DAB1: variants seen among roughly 807,000 people sequenced by gnomAD.
DAB1 encodes DAB adaptor protein 1.
A neutral mutation model predicts 64.6 loss-of-function variants in DAB1; 15 were observed. The observed-to-expected ratio is 0.23, with a 90% CI of 0.16 to 0.36. DAB1 has a LOEUF of 0.36. Ranked by LOEUF, DAB1 falls within the 10% of genes least tolerant of loss-of-function variation. DAB1 has a pLI of 1.00. For synonymous variants in DAB1, 235 were observed against 251.9 expected, an observed-to-expected ratio of 0.93 and a Z score of 0.64; for missense variants, 596 against 706.7, an observed-to-expected ratio of 0.84 and a Z score of 1.78.
intron 3 of DAB1, among the ~76,000 whole-genome samples, chr1:58,455,189 C>A (rs1017760811): frequency 1.3e-5 from 2 of 152,224 alleles, no homozygotes; most frequent in Non-Finnish European, 2.9e-5. Context: ...GGAAAGGCAG[C>A]CAGGGGCTGA....
chr1:58,498,592 C>G (rs1645844191), intron 3 of DAB1, among the ~76,000 whole-genome samples: 2 of 152,120 alleles, frequency 1.3e-5, no homozygotes, highest in South Asian at 4.1e-4. Context: ...AGGATAATGC[C>G]TATATGGCTA....
At chr1:57,591,451 G>C (rs1645444564) in intron 7 of DAB1, among the ~76,000 whole-genome samples, 1 of 152,196 alleles carries the variant, frequency 6.6e-6, no homozygotes, top group South Asian at 2.1e-4. Context: ...CAGCACTAAG[G>C]TGTGGTAATA....
chr1:57,283,947 A>G (rs965017772), intron 2 of DAB1, among the ~76,000 whole-genome samples: 2 of 152,168 alleles, frequency 1.3e-5, no homozygotes, highest in African/African-American at 4.8e-5. Flanking sequence ...ATATATGTCA[A>G]CTTCCAGAGA....
chr1:57,727,888 T>C (rs2101768578), intron 6 of DAB1, among the ~76,000 whole-genome samples: 1 of 152,224 alleles, frequency 6.6e-6, no homozygotes, highest in Non-Finnish European at 1.5e-5. Context: ...ATCACAGAGA[T>C]GCAGATAAAT....
At chr1:57,945,448 TA>T (rs371375889) in intron 5 of DAB1, among the ~76,000 whole-genome samples, 20,600 of 150,638 alleles carry the variant, frequency 0.14, 1,970 homozygotes, top group African/African-American at 0.26. Context: ...TTATTATTAT[TA>T]TTATTATTTT....
chr1:57,754,993 C>T (rs1356483599), intron 6 of DAB1, among the ~76,000 whole-genome samples: 2 of 147,232 alleles, frequency 1.4e-5, no homozygotes, highest in African/African-American at 2.4e-5. Context: ...GACCAGTTTA[C>T]AAAAAACAAA....
At chr1:57,446,631 T>C (rs937106362) in intron 7 of DAB1, among the ~76,000 whole-genome samples, 3 of 151,718 alleles carry the variant, frequency 2.0e-5, no homozygotes, top group Admixed American at 6.6e-5. Context: ...GAGAATCCAG[T>C]TTTAGCTGGA....
At chr1:57,944,360 T>C (rs1434530134) in intron 5 of DAB1, among the ~76,000 whole-genome samples, 1 of 152,148 alleles carries the variant, frequency 6.6e-6, no homozygotes. Flanking sequence ...GCAAGTCTTC[T>C]GGAATTGGCT....
intron 5 of DAB1, among the ~76,000 whole-genome samples, chr1:57,914,158 C>T (rs532215263): frequency 9.9e-5 from 15 of 152,130 alleles, no homozygotes; most frequent in African/African-American, 3.4e-4. Context: ...ATGTTTATTG[C>T]GGCACTATTC....
At chr1:57,990,135 G>A (rs949208435) in intron 5 of DAB1, among the ~76,000 whole-genome samples, 6 of 152,144 alleles carry the variant, frequency 3.9e-5, no homozygotes, top group Admixed American at 3.3e-4. Flanking sequence ...GCAGCAGAGT[G>A]TCTCCTCAGC....
At chr1:57,745,498 C>T (rs556130867) in intron 6 of DAB1, among the ~76,000 whole-genome samples, 2 of 152,232 alleles carry the variant, frequency 1.3e-5, no homozygotes, top group East Asian at 3.9e-4. Flanking sequence ...TTACAGTGAG[C>T]TGGAATTGAA....
At chr1:57,097,476 G>A (rs559907920) in intron 4 of DAB1, among the ~76,000 whole-genome samples, 1 of 152,272 alleles carries the variant, frequency 6.6e-6, no homozygotes, top group South Asian at 2.1e-4. Flanking sequence ...TGGAAGTGAT[G>A]TATGTCACTT....
chr1:57,841,328 T>G (rs542595012), intron 1 of DAB1, among the ~76,000 whole-genome samples: 2 of 152,330 alleles, frequency 1.3e-5, no homozygotes, highest in South Asian at 4.1e-4. Context: ...CTTTTCCATA[T>G]GCATAGTAAA....
At chr1:57,599,870 C>T (rs911782019) in intron 7 of DAB1, among the ~76,000 whole-genome samples, 1 of 152,196 alleles carries the variant, frequency 6.6e-6, no homozygotes, top group African/African-American at 2.4e-5. Context: ...CCATTCCGCT[C>T]TCCAGCTTTG....
At chr1:58,363,815 C>A (rs1353304502) in intron 3 of DAB1, among the ~76,000 whole-genome samples, 6 of 152,166 alleles carry the variant, frequency 3.9e-5, no homozygotes, top group Non-Finnish European at 8.8e-5. Flanking sequence ...CTTCCTCTTG[C>A]CCTTTTATTC....
chr1:57,816,620 G>A (rs1054102988), intron 6 of DAB1, among the ~76,000 whole-genome samples: 1 of 152,186 alleles, frequency 6.6e-6, no homozygotes, highest in African/African-American at 2.4e-5. Flanking sequence ...TCATCAGCCA[G>A]TGTGGATTAG....
chr1:57,376,512 T>G (rs1418597009), intron 1 of DAB1, among the ~76,000 whole-genome samples: 2 of 152,258 alleles, frequency 1.3e-5, no homozygotes, highest in East Asian at 3.9e-4. Context: ...TTATTCACTT[T>G]TGTATCTCTA....
chr1:58,454,310 C>T (rs537618631), intron 3 of DAB1, among the ~76,000 whole-genome samples: 3 of 152,258 alleles, frequency 2.0e-5, no homozygotes, highest in Admixed American at 6.5e-5. Flanking sequence ...CAAGACTACA[C>T]GTCCAGCTGC....
chr1:58,537,377 C>T (rs773840448), intron 1 of DAB1, among the ~76,000 whole-genome samples: 16 of 152,176 alleles, frequency 1.1e-4, no homozygotes, highest in Non-Finnish European at 1.8e-4. Flanking sequence ...AGGGAAACTG[C>T]CTCAGCATTC....
Sources: gnomAD v4.1 joint callset for allele counts (sites outside exome capture counted in the v4.1 genomes callset) on GRCh38, gnomAD v4.1.1 for gene constraint, MANE v1.5 for transcripts, NCBI Gene and HGNC (gene_info 2026-07-23, HGNC 2026-07-21) for gene names.